PCDH18: variants seen among roughly 807,000 people sequenced by gnomAD.
PCDH18 encodes the protein protocadherin 18.
In PCDH18, 38 loss-of-function variants were observed where a neutral mutation model predicts 71.5. The observed-to-expected ratio is 0.53, with a 90% confidence interval of 0.41 to 0.70. The LOEUF is 0.70. PCDH18 is among the 30% of genes least tolerant of loss of function. The pLI is 0.00. For synonymous variants in PCDH18, 565 were observed against 505.4 expected (o/e 1.12, Z -1.58); for missense variants, 1,334 against 1,384.6 (o/e 0.96, Z 0.58).
chr4:137,526,873 T>C (rs1731478889), intron 3 of PCDH18, among the ~76,000 whole-genome samples: 2 of 151,528 alleles, frequency 1.3e-5, no homozygotes, highest in Non-Finnish European at 2.9e-5. Context: ...AGTGCAGGGA[T>C]TGGTCCAAAT....
At chr4:137,525,131 T>A (rs1320788961) in intron 3 of PCDH18, among the ~76,000 whole-genome samples, 1 of 151,670 alleles carries the variant, frequency 6.6e-6, no homozygotes, top group East Asian at 1.9e-4. Context: ...CAATGGAAAA[T>A]GGGGATTTTT....
intron 3 of PCDH18, among the ~76,000 whole-genome samples, chr4:137,523,920 A>G: frequency 6.6e-6 from 1 of 152,200 alleles, no homozygotes; most frequent in East Asian, 1.9e-4. Context: ...ATTGATGAGA[A>G]AAGACTAATG....
chr4:137,532,156 T>C lies in PCDH18; in HGVS notation c.-68A>G, dbSNP rs1363036980. 8.1e-7 allele frequency: 1 copy of C among 1,233,410 alleles called. No individual in the cohort carries two copies. The highest frequency in any genetic ancestry group is 1.5e-5 in the African/African-American group (1 of 67,750). The allele number at this position is 1,233,410 out of a possible 1,614,324, so 76.4% of individuals were successfully genotyped here. A position where few individuals can be genotyped will look rare whatever the true frequency, so the allele number is the denominator to read the frequency against. ...GCAAAGCAATTGCCTCAACTTCCTT[T>C]GGCAACGTAAAGCTACATTTGGTAC... On this transcript the variant is annotated 5_prime_UTR_variant, in exon 1 of 4. Transcript: ENST00000344876.
intron 1 of PCDH18, chr4:137,529,054 G>A: frequency 2.1e-6 from 1 of 481,378 alleles, no homozygotes; most frequent in Non-Finnish European, 3.7e-6. Context: ...TTTACTTTGT[G>A]AAAGAAGACT....
At chr4:137,524,804 A>AT (rs1180491512) in intron 3 of PCDH18, among the ~76,000 whole-genome samples, 2 of 152,174 alleles carry the variant, frequency 1.3e-5, no homozygotes, top group Non-Finnish European at 2.9e-5. Context: ...GAGCCAAAAA[A>AT]TGTGGATTAA....
In PCDH18 at chr4:137,530,455, A is replaced by G; in HGVS notation, c.1634T>C (p.Val545Ala). The change falls in exon 1 of 4, where the codon GTA becomes GCA. Residue 545 changes from valine to alanine, a missense_variant. Physicochemically the swap from Val to Ala is moderately conservative, Grantham distance 64. Transcript: ENST00000344876. ...HEEVSQITFV[V>A]EARDGGSPKQ... ...CGGGCTTCCTCCATCTCTTGCTTCT[A>G]CCACAAAAGTGATCTGACTCACTTC... is the stretch of plus-strand genomic sequence containing the variant. 1 of 1,614,016 alleles carries G rather than the reference A, an allele frequency of 6.2e-7. No individual in the cohort carries two copies. Among genetic ancestry groups the G allele is most frequent in the South Asian group, 1.1e-5 (1 of 91,072 alleles).
At position 137,530,999 on chromosome 4, in the gene PCDH18, C is replaced by T. The variant is rs1731669811; in HGVS notation, c.1090G>A (p.Glu364Lys). Residue 364 changes from glutamate to lysine, a missense_variant, in exon 1 of 4, where the codon GAA becomes AAA. Around this residue, in one of 3 missense-constraint regions of PCDH18, gnomAD observed 1,011 missense variants for 1,048.0 expected, o/e 0.96. Coordinates refer to ENST00000344876, the MANE Select transcript of PCDH18 (RefSeq NM_019035.5). ...CCTTCAAAAATATAAGATATTTCTT[C>T]TTTTCCAGGGGACATGAGGTTGATG... ...ININLMSPGK[E>K]EISYIFEGDP... 3 of 1,611,852 alleles carry T rather than the reference C, an allele frequency of 1.9e-6. No individual in the cohort carries two copies. Among genetic ancestry groups the T allele is most frequent in the Non-Finnish European group, 2.5e-6 (3 of 1,179,048 alleles).
rs552849725 is a variant in PCDH18, at chr4:137,528,149, A to G, written c.2740+329T>C. Among the ~76,000 whole-genome samples the G allele has an allele frequency of 5.0e-4, 76 of 152,306 alleles. No homozygotes were observed. In the Middle Eastern group the frequency reaches 0.014, roughly 27 times the overall value. ...CCAATAATTTTGCAAAGAGTTACAC[A>G]ACCGTGTTCTATGGCTGTATCGGAT... On this transcript the variant is annotated intron_variant, in intron 3 of 3. Transcript: ENST00000344876.
rs199993180 is a variant in PCDH18, at chr4:137,521,035, C to T, written c.3402G>A (p.Gln1134=). Residue 1134 remains glutamine (Q), a synonymous_variant, in exon 4 of 4, where the codon CAG becomes CAA. Transcript: ENST00000344876. The stretch of plus-strand genomic sequence containing the variant: ...AATGCTTCGCTAAAATCTCCTAGCT[C>T]TGGCGGACATCTTGAAGCAGTTTGT... The part of the protein sequence containing the change: ...EINKLLQDVR[Q]S 1.9e-6 allele frequency: 3 copies of T among 1,582,624 alleles called. No individual in the cohort carries two copies. The highest frequency in any genetic ancestry group is 2.6e-6 in the Non-Finnish European group (3 of 1,159,396).
chr4:137,531,843 A>T lies in PCDH18; in HGVS notation c.246T>A (p.Asp82Glu). 2 of 1,614,088 alleles carry T rather than the reference A, an allele frequency of 1.2e-6. No individual in the cohort carries two copies. The highest frequency in any genetic ancestry group is 1.7e-6 in the Non-Finnish European group (2 of 1,179,998). The change falls in exon 1 of 4, where the codon GAT (aspartate) becomes GAA (glutamate). Residue 82 changes from aspartate to glutamate, a missense_variant. Transcript: ENST00000344876. ...GNSPLLVVNE[D>E]NGEISIGATI... ...TAGCCCCTATGCTGATTTCCCCATTATCCTCGTTTACTACAAGTAGAGGAG... is the reference window on the plus strand; with the variant it reads ...TAGCCCCTATGCTGATTTCCCCATTTTCCTCGTTTACTACAAGTAGAGGAG...
chr4:137,531,848 C>G lies in PCDH18; in HGVS notation c.241G>C (p.Glu81Gln), dbSNP rs769108724. The G allele has an allele frequency of 1.9e-6, 3 of 1,614,074 alleles. No individual in the cohort carries two copies. In the South Asian group the frequency reaches 3.3e-5, roughly 18 times the overall value. Residue 81 changes from glutamate (E) to glutamine (Q), a missense_variant, in exon 1 of 4, where the codon GAG becomes CAG. Glu to Gln is a conservative substitution (Grantham distance 29). Coordinates refer to ENST00000344876, the MANE Select transcript of PCDH18 (RefSeq NM_019035.5). ...RGNSPLLVVN[E>Q]DNGEISIGAT... ...CCTATGCTGATTTCCCCATTATCCT[C>G]GTTTACTACAAGTAGAGGAGAATTT...
chr4:137,530,773 T>C lies in PCDH18; in HGVS notation c.1316A>G (p.Asp439Gly). The part of the protein sequence containing the change: ...SEYSLTVIAE[D>G]RGTPSLSTVK... The stretch of plus-strand genomic sequence containing the variant: ...TGTAGAGAGACTGGGTGTCCCCCTG[T>C]CCTCAGCGATTACAGTCAAACTATA... The change falls in exon 1 of 4, where the codon GAC becomes GGC. Residue 439 changes from aspartate (D) to glycine (G), a missense_variant. Around this residue, in one of 3 missense-constraint regions of PCDH18, gnomAD observed 1,011 missense variants for 1,048.0 expected, o/e 0.96. Coordinates refer to ENST00000344876, the MANE Select transcript of PCDH18 (RefSeq NM_019035.5). 1 of 1,612,548 alleles carries C rather than the reference T, an allele frequency of 6.2e-7. No homozygotes were observed.
chr4:137,531,119 C>A lies in PCDH18; in HGVS notation c.970G>T (p.Val324Phe). The part of the protein sequence containing the change: ...YEITKSYEID[V>F]QAQDLGPNSI... ...TTTGGACCCAAATCTTGAGCCTGAACATCAATCTCATAGGATTTGGTGATT... is the reference window on the plus strand; with the variant it reads ...TTTGGACCCAAATCTTGAGCCTGAAAATCAATCTCATAGGATTTGGTGATT... The change falls in exon 1 of 4, where the codon GTT becomes TTT. Residue 324 changes from valine (V) to phenylalanine (F), a missense_variant. Transcript: ENST00000344876. 6.2e-7 allele frequency: 1 copy of A among 1,613,810 alleles called. No individual in the cohort carries two copies. The highest frequency in any genetic ancestry group is 1.1e-5 in the South Asian group (1 of 91,074).
intron 3 of PCDH18, among the ~76,000 whole-genome samples, chr4:137,525,240 T>A (rs1422051277): frequency 6.6e-6 from 1 of 152,182 alleles, no homozygotes; most frequent in Non-Finnish European, 1.5e-5. Flanking sequence ...CCAATTTGAC[T>A]GCTCAAAATG....
In PCDH18 at chr4:137,531,801, T is replaced by G; in HGVS notation, c.288A>C (p.Gln96His). 1 of 1,614,196 alleles carries G rather than the reference T, an allele frequency of 6.2e-7. No homozygotes were observed. Among genetic ancestry groups the G allele is most frequent in the Non-Finnish European group, 8.5e-7 (1 of 1,180,034 alleles). The change falls in exon 1 of 4, where the codon CAA (glutamine) becomes CAC (histidine). Residue 96 changes from glutamine to histidine, a missense_variant. Coordinates refer to ENST00000344876, the MANE Select transcript of PCDH18 (RefSeq NM_019035.5). ...AACAGTTCAAGTTTTTCTGGCACAG[T>G]TGTTCACGGTCAATTGTAGCCCCTA... is the stretch of plus-strand genomic sequence containing the variant. ...ISIGATIDRE[Q>H]LCQKNLNCSI...
Position 137,521,392 on chromosome 4 carries a change from G to A in PCDH18, c.3045C>T (p.Leu1015=), listed in dbSNP as rs137899038. ...LSEMSSVFQR[L]LPPSLDTYSE... The stretch of plus-strand genomic sequence containing the variant: ...AATAGGTGTCCAGGGAAGGCGGTAA[G>A]AGACGCTGGAACACACTGCTCATTT... Residue 1015 remains leucine (L), a synonymous_variant, in exon 4 of 4, where the codon CTC becomes CTT. Transcript: ENST00000344876. The A allele has an allele frequency of 4.1e-5, 66 of 1,614,198 alleles. No individual in the cohort carries two copies. In the African/African-American group the frequency reaches 6.3e-4, roughly 15 times the overall value.
At chr4:137,523,319 T>A (rs1221972002) in intron 3 of PCDH18, among the ~76,000 whole-genome samples, 2 of 151,264 alleles carry the variant, frequency 1.3e-5, no homozygotes, top group Admixed American at 1.3e-4. Flanking sequence ...GCAGTATTAC[T>A]ACTTGGAAAT....
rs1731748294 is a variant in PCDH18, at chr4:137,532,431, T to C, written c.-343A>G. 2.9e-6 allele frequency: 2 copies of C among 683,968 alleles called. No individual in the cohort carries two copies. Among genetic ancestry groups the C allele is most frequent in the Non-Finnish European group, 5.3e-6 (2 of 375,154 alleles). The allele number at this position is 683,968 out of a possible 1,614,324, so 42.4% of individuals were successfully genotyped here. A position where few individuals can be genotyped will look rare whatever the true frequency, so the allele number is the denominator to read the frequency against. On this transcript the variant is annotated 5_prime_UTR_variant, in exon 1 of 4. Transcript: ENST00000344876. ...CAGTGTGTCTTTCCTGAGCGATTCT[T>C]TCTCCCTTTAGCTGCTCGGCTGCAG...
In PCDH18 at chr4:137,530,445, TCTTG is replaced by T; in HGVS notation, c.1640_1643del (p.Ala547GlufsTer10). On this transcript the variant is annotated frameshift_variant, in exon 1 of 4. Coordinates refer to ENST00000344876, the MANE Select transcript of PCDH18 (RefSeq NM_019035.5). LOFTEE classifies it high-confidence loss of function. The stretch of plus-strand genomic sequence containing the variant: ...CCAGTTGCTTCGGGCTTCCTCCATC[TCTTG>T]CTTCTACCACAAAAGTGATCTGACT... 6.2e-7 allele frequency: 1 copy of T among 1,614,146 alleles called. No homozygotes were observed. Among genetic ancestry groups the T allele is most frequent in the Non-Finnish European group, 8.5e-7 (1 of 1,180,004 alleles).
Sources: gnomAD v4.1 joint callset for allele counts (sites outside exome capture counted in the v4.1 genomes callset) on GRCh38, gnomAD v4.1.1 for gene constraint, gnomAD v4.1.1 regional missense constraint, MANE v1.5 for transcripts, NCBI Gene and HGNC (gene_info 2026-07-23, HGNC 2026-07-21) for gene names.